Variants in ZNF254 observed in about 807,000 individuals in gnomAD.
ZNF254 encodes the protein CTD-2017D11.1.
In ZNF254, 10 loss-of-function variants were observed where a neutral mutation model predicts 12.4. The ratio of observed to expected loss-of-function variants is 0.80; its 90% CI spans 0.50 to 1.36. ZNF254 has a LOEUF of 1.36. Among genes scored for constraint, ZNF254 ranks in the 40% most tolerant of loss-of-function variants. The probability of loss-of-function intolerance (pLI) is 0.00; values close to 1 mark genes in which losing one functional copy is unlikely to be tolerated. For synonymous variants in ZNF254, 305 were observed against 253.4 expected (o/e 1.20, Z -1.93); for missense variants, 996 against 763.9 (o/e 1.30, Z -3.58).
chr19:24,034,747 AATTAC>A (rs1969902262), intron 1 of ZNF254, among the ~76,000 whole-genome samples: 1 of 151,282 alleles, frequency 6.6e-6, no homozygotes, highest in African/African-American at 2.4e-5. Context: ...AAAGTGCTGG[AATTAC>A]AGGTGTGAGC....
At chr19:24,045,204 G>A (rs1213148557) in intron 1 of ZNF254, among the ~76,000 whole-genome samples, 2 of 152,104 alleles carry the variant, frequency 1.3e-5, no homozygotes, top group East Asian at 1.9e-4. Context: ...CTGGGAATGC[G>A]CTCAAAGCCC....
chr19:24,051,554 G>T (rs1393020569), intron 2 of ZNF254, among the ~76,000 whole-genome samples: 1 of 152,124 alleles, frequency 6.6e-6, no homozygotes, highest in Admixed American at 6.5e-5. Context: ...TTTCATCTCT[G>T]CACAAAAAGG....
At chr19:24,093,483 G>C (rs1282301518) in intron 1 of ZNF254, among the ~76,000 whole-genome samples, 1 of 152,012 alleles carries the variant, frequency 6.6e-6, no homozygotes, top group Non-Finnish European at 1.5e-5. Context: ...GTAATAAAGG[G>C]GTCCAGTTTC....
At position 24,037,923 on chromosome 19, in the gene ZNF254, T is replaced by C. The variant is rs539589057; in HGVS notation, c.-190+4302T>C. 2.1e-3 allele frequency among the ~76,000 whole-genome samples: 313 copies of C among 152,288 alleles called. 2 individuals carry two copies. The highest frequency in any genetic ancestry group is 6.8e-3 in the Middle Eastern group (2 of 294). On this transcript the variant is annotated intron_variant, in intron 1 of 4. Transcript: ENST00000613065. ...CACACCTGGCCCTAATTTTTTGTAC[T>C]TTTAGTAGAGATGGAATTTCACCAT...
chr19:24,069,650 G>T (rs1460057041), intron 2 of ZNF254, among the ~76,000 whole-genome samples: 2 of 150,150 alleles, frequency 1.3e-5, no homozygotes, highest in Non-Finnish European at 3.0e-5. Context: ...AGGTGTGGTG[G>T]CTCACACCTG....
intron 2 of ZNF254, chr19:24,065,671 A>C (rs1316596414): frequency 3.3e-5 from 5 of 150,924 alleles, no homozygotes; most frequent in African/African-American, 1.2e-4. Flanking sequence ...TTTATCGCTG[A>C]ATCCAGCACC....
intron 1 of ZNF254, among the ~76,000 whole-genome samples, chr19:24,034,277 GCAGA>G (rs1969875102): frequency 6.6e-6 from 1 of 151,844 alleles, no homozygotes; most frequent in Non-Finnish European, 1.5e-5. Context: ...AGCCTCTCCT[GCAGA>G]TGTCCCAGCC....
intron 2 of ZNF254, among the ~76,000 whole-genome samples, chr19:24,050,878 T>G (rs1379971129): frequency 6.6e-6 from 1 of 151,866 alleles, no homozygotes; most frequent in African/African-American, 2.4e-5. Context: ...TTTTTTATGT[T>G]TTCAGTAGAG....
At chr19:24,116,612 AG>A (rs1974095172) in intron 3 of ZNF254, among the ~76,000 whole-genome samples, 1 of 126,076 alleles carries the variant, frequency 7.9e-6, no homozygotes, top group Non-Finnish European at 1.6e-5. Flanking sequence ...TTTTTTTCAA[AG>A]TTTTTAACTT....
rs570964462 is a variant in ZNF254, at chr19:24,129,124, G to T, written c.*1144G>T. 1.3e-5 allele frequency: 2 copies of T among 152,086 alleles called. No homozygotes were observed. The highest frequency in any genetic ancestry group is 6.5e-5 in the Admixed American group (1 of 15,272). 9.4% of individuals were successfully genotyped at this position (152,086 alleles called of 1,614,324 possible). A position where few individuals can be genotyped will look rare whatever the true frequency, so the allele number is the denominator to read the frequency against. The stretch of plus-strand genomic sequence containing the variant: ...AATTTAGGTAGAGAGGCTCTTTGTG[G>T]TTAACTTATAATATTGAGTGATGCA... On this transcript the variant is annotated 3_prime_UTR_variant, in exon 4 of 4. Transcript: ENST00000357002.
intron 3 of ZNF254, chr19:24,107,454 T>C (rs2145822973): frequency 5.4e-6 from 2 of 367,394 alleles, no homozygotes; most frequent in South Asian, 1.9e-4. Flanking sequence ...TCATTGATAT[T>C]GTACATAAGT....
chr19:24,057,065 G>C (rs1391922310), intron 2 of ZNF254, among the ~76,000 whole-genome samples: 1 of 152,196 alleles, frequency 6.6e-6, no homozygotes, highest in East Asian at 1.9e-4. Context: ...ACATGGGTAA[G>C]ATTGTCACTC....
chr19:24,041,439 T>C (rs546766404), intron 1 of ZNF254, among the ~76,000 whole-genome samples: 143 of 152,308 alleles, frequency 9.4e-4, no homozygotes, highest in African/African-American at 3.3e-3. Context: ...CCCCGGGCAA[T>C]GGGGGACTTA....
rs1430554761 is a variant in ZNF254, at chr19:24,066,135, TC to T, written c.-94+19858del. 3.9e-5 allele frequency: 6 copies of T among 152,168 alleles called. No homozygotes were observed. The East Asian group carries it at 9.6e-4, about 24-fold the overall frequency. 9.4% of individuals were successfully genotyped at this position (152,168 alleles called of 1,614,324 possible). ...GGGACATTGTGACATGTCTCTGCAT[TC>T]CTCATCCAGGAGATGTGACTCTCCT... is the stretch of plus-strand genomic sequence containing the variant. On this transcript the variant is annotated intron_variant, in intron 2 of 4. Transcript: ENST00000613065.
intron 2 of ZNF254, 23 bp from the exon 3 acceptor site, chr19:24,106,525 T>A: frequency 6.5e-7 from 1 of 1,547,084 alleles, no homozygotes; most frequent in Non-Finnish European, 8.8e-7. Flanking sequence ...GCAAGATTCA[T>A]TTAGTTATTT....
At chr19:24,053,008 CAG>C (rs1555752574) in intron 2 of ZNF254, among the ~76,000 whole-genome samples, 2 of 152,136 alleles carry the variant, frequency 1.3e-5, no homozygotes, top group Admixed American at 1.3e-4. Context: ...ACTCAGCACA[CAG>C]GGGAGGTTGC....
intron 1 of ZNF254, among the ~76,000 whole-genome samples, chr19:24,034,310 A>G (rs1969876909): frequency 6.6e-6 from 1 of 152,040 alleles, no homozygotes; most frequent in South Asian, 2.1e-4. Context: ...ATAGCCATGG[A>G]CAGAACCTTT....
intron 3 of ZNF254, among the ~76,000 whole-genome samples, chr19:24,120,834 G>T (rs867381558): frequency 7.3e-5 from 11 of 151,238 alleles, no homozygotes; most frequent in East Asian, 1.9e-4. Flanking sequence ...GGCTAATTTT[G>T]TTTTTTTTGT....
intron 1 of ZNF254, among the ~76,000 whole-genome samples, chr19:24,041,791 G>C (rs1392316113): frequency 1.3e-5 from 2 of 152,262 alleles, no homozygotes; most frequent in Non-Finnish European, 2.9e-5. Flanking sequence ...GTCTGGTGGG[G>C]ACGTGGAGAG....
Sources: gnomAD v4.1 joint callset for allele counts (sites outside exome capture counted in the v4.1 genomes callset) on GRCh38, gnomAD v4.1.1 for gene constraint, MANE v1.5 for transcripts, NCBI Gene and HGNC (gene_info 2026-07-23, HGNC 2026-07-21) for gene names.